Variants in STAG3 observed in about 807,000 individuals in gnomAD.
STAG3 encodes STAG3 cohesin complex component, also known as cohesin subunit SA-3.
Under a neutral mutation model 160.7 loss-of-function variants are expected in STAG3, and 101 were observed. The ratio of observed to expected loss-of-function variants is 0.63; its 90% CI spans 0.54 to 0.74. The LOEUF is 0.74. Among genes scored for constraint, STAG3 ranks in the 30% least tolerant of loss-of-function variants. STAG3 has a pLI of 0.00. For missense variants in STAG3, 1,188 were observed against 1,517.4 expected, an observed-to-expected ratio of 0.78 and a Z score of 3.61; for synonymous variants, 519 against 585.0, an observed-to-expected ratio of 0.89 and a Z score of 1.63.
At chr7:100,189,315 G>C (rs984997472) in intron 7 of STAG3, 130 bp from the exon 8 acceptor site, 9 of 1,092,628 alleles carry the variant, frequency 8.2e-6, no homozygotes, top group Non-Finnish European at 1.2e-5. Context: ...GGCCGTCTTA[G>C]GATTTTAGGG....
intron 4 of STAG3, among the ~76,000 whole-genome samples, chr7:100,185,467 TG>T (rs1422548828): frequency 6.6e-6 from 1 of 151,896 alleles, no homozygotes; most frequent in African/African-American, 2.4e-5. Flanking sequence ...CCAGGCGTGG[TG>T]GCGCACACCT....
intron 8 of STAG3, among the ~76,000 whole-genome samples, chr7:100,190,433 C>G (rs1199267558): frequency 2.0e-5 from 3 of 152,080 alleles, no homozygotes; most frequent in Non-Finnish European, 2.9e-5. Context: ...GAGAAGGAAA[C>G]TTTCCACTTC....
chr7:100,199,008 G>A, intron 14 of STAG3, 51 bp downstream of exon 14: 1 of 1,549,670 alleles, frequency 6.5e-7, no homozygotes, highest in Non-Finnish European at 8.9e-7. Flanking sequence ...CCTACAAGTG[G>A]GCTGGGGTTG....
At position 100,201,325 on chromosome 7, in the gene STAG3, G is replaced by A. The variant is rs1801111660; in HGVS notation, c.2194G>A (p.Val732Met). The A allele has an allele frequency of 6.2e-7, 1 of 1,614,132 alleles. No homozygotes were observed. Among genetic ancestry groups the A allele is most frequent in the East Asian group, 2.2e-5 (1 of 44,882 alleles). Reference sequence around the variant, plus strand: ...ATGTTGCCAACTCCTGCAGAAGGCTGTGGACACAGGAGAGGTTCCTCACCA... The same window carrying A: ...ATGTTGCCAACTCCTGCAGAAGGCTATGGACACAGGAGAGGTTCCTCACCA... ...EPCCQLLQKA[V>M]DTGEVPHQVI... Residue 732 changes from valine (V) to methionine (M), a missense_variant, in exon 21 of 34, where the codon GTG becomes ATG. By Grantham distance (21) the Val-to-Met change is conservative. Coordinates refer to ENST00000615138, the MANE Select transcript of STAG3 (RefSeq NM_001282717.2).
intron 4 of STAG3, among the ~76,000 whole-genome samples, chr7:100,185,955 T>C (rs1371395954): frequency 6.6e-6 from 1 of 152,228 alleles, no homozygotes; most frequent in Non-Finnish European, 1.5e-5. Flanking sequence ...TACAAAGTCA[T>C]AAATCCCCAG....
chr7:100,210,465 A>T (rs1446779335), intron 29 of STAG3, among the ~76,000 whole-genome samples: 2 of 152,138 alleles, frequency 1.3e-5, no homozygotes, highest in African/African-American at 4.8e-5. Context: ...CATATCAGTT[A>T]TACTGGCATT....
chr7:100,207,892 G>A lies in STAG3; in HGVS notation c.3238+2508G>A, dbSNP rs918588922. 3.9e-5 allele frequency among the ~76,000 whole-genome samples: 6 copies of A among 152,086 alleles called. No individual in the cohort carries two copies. The highest frequency in any genetic ancestry group is 1.9e-4 in the East Asian group (1 of 5,188). On this transcript the variant is annotated intron_variant, in intron 29 of 33. Transcript: ENST00000615138. The surrounding 1 kb of genome is among the most constrained non-coding windows in gnomAD (Gnocchi z 4.0). ...AGCACTTTGGGAGGCCGAGGCGGGC[G>A]GATCACGAGGTCAGGAGATTGAGAC...
At chr7:100,212,104 A>C in intron 32 of STAG3, 1 of 448,970 alleles carries the variant, frequency 2.2e-6, no homozygotes, top group East Asian at 3.9e-5. Context: ...TTGGAATAGC[A>C]CTCTCGCTCC....
At chr7:100,201,457 C>A in intron 21 of STAG3, 106 bp downstream of exon 21, 1 of 985,080 alleles carries the variant, frequency 1.0e-6, no homozygotes. Context: ...GTGGAGTGGA[C>A]AAAGCGAGGA....
At chr7:100,185,349 C>A (rs1799924565) in intron 4 of STAG3, among the ~76,000 whole-genome samples, 1 of 152,154 alleles carries the variant, frequency 6.6e-6, no homozygotes, top group Admixed American at 6.6e-5. Flanking sequence ...GTAATCCCAG[C>A]ACTTTGGGAG....
chr7:100,182,286 G>C (rs1214754591), intron 3 of STAG3, 94 bp downstream of exon 3: 2 of 900,848 alleles, frequency 2.2e-6, no homozygotes, highest in East Asian at 2.7e-5. Flanking sequence ...GTGAACCCAG[G>C]GGGCAGAGCT....
At chr7:100,179,641 C>T (rs1799514522) in intron 1 of STAG3, among the ~76,000 whole-genome samples, 1 of 152,168 alleles carries the variant, frequency 6.6e-6, no homozygotes, top group Non-Finnish European at 1.5e-5. Flanking sequence ...TGTGTGACTT[C>T]CTCAGCTTTT....
chr7:100,205,542 A>G (rs1801568205), intron 29 of STAG3, among the ~76,000 whole-genome samples, 158 bp downstream of exon 29: 1 of 152,270 alleles, frequency 6.6e-6, no homozygotes. Context: ...ATTAAAAATC[A>G]AATAGAGGGC....
At chr7:100,186,690 A>G (rs1562968197) in intron 5 of STAG3, among the ~76,000 whole-genome samples, 2 of 152,234 alleles carry the variant, frequency 1.3e-5, no homozygotes, top group Non-Finnish European at 1.5e-5. Context: ...TTCAAAAAAA[A>G]AGAGAGAAAA....
intron 7 of STAG3, 30 bp from the exon 8 acceptor site, chr7:100,189,400 CTGACCTCAGTAATGA>C: frequency 6.3e-7 from 1 of 1,585,272 alleles, no homozygotes; most frequent in Non-Finnish European, 8.6e-7. Flanking sequence ...CCTCTCTCCT[CTGACCTCAGTAATGA>C]TTTCTTTATC....
intron 21 of STAG3, 88 bp from the exon 22 acceptor site, chr7:100,201,698 T>A: frequency 8.8e-7 from 1 of 1,136,418 alleles, no homozygotes; most frequent in Non-Finnish European, 1.3e-6. Context: ...TTTACTCATT[T>A]TCTCTCCTCT....
chr7:100,211,824 AAG>A lies in STAG3; in HGVS notation c.3551_3552del (p.Glu1184ValfsTer6). The A allele has an allele frequency of 1.2e-6, 2 of 1,614,174 alleles. No individual in the cohort carries two copies. The highest frequency in any genetic ancestry group is 1.7e-5 in the Admixed American group (1 of 60,026). On this transcript the variant is annotated frameshift_variant, in exon 32 of 34. Coordinates refer to ENST00000615138, the MANE Select transcript of STAG3 (RefSeq NM_001282717.2). LOFTEE classifies it high-confidence loss of function. ...AGCCTTATGGAAGAGGACGAGGAAG[AAG>A]AGTTAGAAATCCAGGATGAGTCAAA...
chr7:100,193,971 G>A (rs1402089552), intron 8 of STAG3, among the ~76,000 whole-genome samples: 2 of 134,076 alleles, frequency 1.5e-5, no homozygotes, highest in African/African-American at 2.7e-5. Flanking sequence ...TTTTTCAGAC[G>A]GAGTCTCACT....
downstream of STAG3, among the ~76,000 whole-genome samples, chr7:100,217,645 G>T (rs530843231): frequency 3.9e-5 from 6 of 152,304 alleles, no homozygotes; most frequent in Non-Finnish European, 7.3e-5. Context: ...CAAGGCAAAG[G>T]GGGCAGGGTA....
Sources: allele counts gnomAD v4.1 joint callset (sites outside exome capture counted in the v4.1 genomes callset), GRCh38; gene constraint gnomAD v4.1.1; non-coding constraint Gnocchi (gnomAD v3.1); transcripts MANE v1.5; gene names NCBI Gene and HGNC (gene_info 2026-07-23, HGNC 2026-07-21).